Variants in NEXN observed in about 807,000 individuals in gnomAD.
NEXN encodes the protein nexilin F-actin binding protein.
NEXN carries 65 observed loss-of-function variants against 92.6 expected under a neutral mutation model. The ratio of observed to expected loss-of-function variants is 0.70; its 90% CI spans 0.57 to 0.86. The LOEUF (loss-of-function observed/expected upper bound fraction) is 0.86. NEXN is among the 40% of genes least tolerant of loss of function. The probability of loss-of-function intolerance (pLI) is 0.00; values close to 1 mark genes in which losing one functional copy is unlikely to be tolerated. For synonymous variants in NEXN, 254 were observed against 242.5 expected (o/e 1.05, Z -0.44); for missense variants, 778 against 771.1 (o/e 1.01, Z -0.11).
At chr1:77,922,018 T>C (rs994937530) in intron 5 of NEXN, among the ~76,000 whole-genome samples, 1 of 152,078 alleles carries the variant, frequency 6.6e-6, no homozygotes, top group Non-Finnish European at 1.5e-5. Context: ...TCCTCCCACC[T>C]CGGCCTCCCA....
At chr1:77,937,278 TG>T (rs1351522420) in intron 11 of NEXN, among the ~76,000 whole-genome samples, 1 of 152,126 alleles carries the variant, frequency 6.6e-6, no homozygotes, top group Non-Finnish European at 1.5e-5. Context: ...CACTCCAGCC[TG>T]GGGGTCAGAG....
intron 11 of NEXN, chr1:77,941,734 G>A: frequency 2.4e-6 from 1 of 425,444 alleles, no homozygotes. Context: ...TTTCAGTTAA[G>A]TGCTATCAAA....
intron 2 of NEXN, 148 bp from the exon 3 acceptor site, chr1:77,917,418 G>T (rs1649059952): frequency 3.1e-6 from 2 of 640,294 alleles, no homozygotes; most frequent in African/African-American, 1.8e-5. Flanking sequence ...TATCTAATCA[G>T]GTTGTGATGG....
chr1:77,897,637 A>T (rs1333863823), intron 1 of NEXN, among the ~76,000 whole-genome samples: 3 of 152,116 alleles, frequency 2.0e-5, no homozygotes, highest in Non-Finnish European at 4.4e-5. Context: ...CCTATTCAAC[A>T]TAGTGTTGGA....
chr1:77,931,106 A>C (rs1458194488), intron 9 of NEXN, among the ~76,000 whole-genome samples: 1 of 151,808 alleles, frequency 6.6e-6, no homozygotes, highest in Admixed American at 6.6e-5. Context: ...CGGTAGAAGA[A>C]GCCGGGCGCG....
At chr1:77,894,808 C>T (rs966788216) in intron 1 of NEXN, among the ~76,000 whole-genome samples, 50 of 152,034 alleles carry the variant, frequency 3.3e-4, no homozygotes, top group Admixed American at 1.6e-3. Context: ...CTCCACCTCC[C>T]GGGTTCTAGC....
At position 77,933,468 on chromosome 1, in the gene NEXN, G is replaced by A; in HGVS notation, c.1240G>A (p.Glu414Lys). ...EKQEFEQLRQ[E>K]MGEEEEENET... ...ACAAGAATTTGAACAACTGAGACAGGAAATGGGAGAGGTAAGATTTTAAGA... is the reference window on the plus strand; with the variant it reads ...ACAAGAATTTGAACAACTGAGACAGAAAATGGGAGAGGTAAGATTTTAAGA... Residue 414 changes from glutamate (E) to lysine (K), a missense_variant, in exon 10 of 13, where the codon GAA becomes AAA. Around this residue, in one of 3 missense-constraint regions of NEXN, gnomAD observed 532 missense variants for 476.7 expected, o/e 1.12. Transcript: ENST00000334785. 6.2e-7 allele frequency: 1 copy of A among 1,606,022 alleles called. No individual in the cohort carries two copies. The highest frequency in any genetic ancestry group is 1.1e-5 in the South Asian group (1 of 90,718).
chr1:77,933,533 A>C (rs1330715373), intron 10 of NEXN, 54 bp downstream of exon 10: 2 of 1,210,444 alleles, frequency 1.7e-6, no homozygotes, highest in African/African-American at 1.5e-5. Flanking sequence ...TAAATATTTT[A>C]CTTATATCAC....
Position 77,926,911 on chromosome 1 carries a change from A to G in NEXN, c.864+19A>G. 1.9e-6 allele frequency: 3 copies of G among 1,613,576 alleles called. No homozygotes were observed. The highest frequency in any genetic ancestry group is 1.1e-5 in the South Asian group (1 of 90,950). On this transcript the variant is annotated intron_variant, in intron 8 of 12. Coordinates refer to ENST00000334785, the MANE Select transcript of NEXN (RefSeq NM_144573.4). ...GCAAATGGTAAATCTACATATTTAA[A>G]CCTTACAATTAATATTAATGAAGTT...
intron 11 of NEXN, among the ~76,000 whole-genome samples, chr1:77,941,442 G>A (rs1448860780): frequency 6.6e-6 from 1 of 151,940 alleles, no homozygotes; most frequent in Non-Finnish European, 1.5e-5. Flanking sequence ...CCCCTCAGAT[G>A]ACTCAAACAT....
At chr1:77,938,466 T>C (rs1397120064) in intron 11 of NEXN, among the ~76,000 whole-genome samples, 2 of 151,648 alleles carry the variant, frequency 1.3e-5, no homozygotes, top group Non-Finnish European at 2.9e-5. Context: ...CTGGCCAACA[T>C]GGTGAAACCC....
chr1:77,916,186 G>A lies in NEXN; in HGVS notation c.27+53G>A, dbSNP rs570509967. The A allele has an allele frequency of 2.8e-5, 40 of 1,421,086 alleles. No individual in the cohort carries two copies. The South Asian group carries it at 4.7e-4, about 17-fold the overall frequency. The allele number at this position is 1,421,086 out of a possible 1,614,324, so 88.0% of individuals were successfully genotyped here. A position where few individuals can be genotyped will look rare whatever the true frequency, so the allele number is the denominator to read the frequency against. ...AAAAGAGGGAAATGTAGAGTTGACT[G>A]TAGAATTGCTGAAAGGACAGTCATT... is the stretch of plus-strand genomic sequence containing the variant. On this transcript the variant is annotated intron_variant, in intron 2 of 12. Coordinates refer to ENST00000334785, the MANE Select transcript of NEXN (RefSeq NM_144573.4).
Position 77,938,643 on chromosome 1 carries a change from A to G in NEXN, c.1473+2599A>G, listed in dbSNP as rs375313240. On this transcript the variant is annotated intron_variant, in intron 11 of 12. Transcript: ENST00000334785. ...ATGACGTATGATGAAGAAAATTCTAATTATTCTAAGTACTATAATAGAAGT... is the reference window on the plus strand; with the variant it reads ...ATGACGTATGATGAAGAAAATTCTAGTTATTCTAAGTACTATAATAGAAGT... 9.9e-5 allele frequency among the ~76,000 whole-genome samples: 15 copies of G among 152,096 alleles called. No homozygotes were observed. In the East Asian group the frequency reaches 1.4e-3, roughly 14 times the overall value.
At chr1:77,896,653 G>A (rs920249841) in intron 1 of NEXN, among the ~76,000 whole-genome samples, 4 of 151,996 alleles carry the variant, frequency 2.6e-5, no homozygotes, top group East Asian at 1.9e-4. Flanking sequence ...CCAGCTACTC[G>A]GGAGGCTGAG....
rs1375404871 is a variant in NEXN, at chr1:77,929,237, T to C, written c.865-79T>C. ...GAAACTCCTGTGTGATAGTGGCTAA[T>C]TCTGTGCCTTTTGATTAATAATTCA... On this transcript the variant is annotated intron_variant, in intron 8 of 12. Transcript: ENST00000334785. 9 of 1,042,236 alleles carry C rather than the reference T, an allele frequency of 8.6e-6. No individual in the cohort carries two copies. In the East Asian group the frequency reaches 2.2e-4, roughly 25 times the overall value. 64.6% of individuals were successfully genotyped at this position (1,042,236 alleles called of 1,614,324 possible). A position where few individuals can be genotyped will look rare whatever the true frequency, so the allele number is the denominator to read the frequency against.
At chr1:77,903,708 C>T (rs528343477) in intron 1 of NEXN, among the ~76,000 whole-genome samples, 20 of 152,076 alleles carry the variant, frequency 1.3e-4, no homozygotes, top group East Asian at 7.7e-4. Context: ...TATATAAGCA[C>T]GAAACTGGGA....
rs1404772841 is a variant in NEXN, at chr1:77,942,191, G to A, written c.1642G>A (p.Asp548Asn). Residue 548 changes from aspartate (D) to asparagine (N), a missense_variant, in exon 12 of 13, where the codon GAT becomes AAT. Around this residue, in one of 3 missense-constraint regions of NEXN, gnomAD observed 532 missense variants for 476.7 expected, o/e 1.12. Coordinates refer to ENST00000334785, the MANE Select transcript of NEXN (RefSeq NM_144573.4). Reference protein sequence around the residue: ...LRMQFEQREIDAALQKKREEE... With the variant: ...LRMQFEQREINAALQKKREEE... ...CATGCAGTTTGAACAAAGGGAAATT[G>A]ATGCAGCACTACAAAAGGTACCAGG... The A allele has an allele frequency of 1.1e-5, 17 of 1,613,600 alleles. No homozygotes were observed. The highest frequency in any genetic ancestry group is 1.4e-5 in the Non-Finnish European group (17 of 1,179,706).
rs879837067 is a variant in NEXN, at chr1:77,942,160, A to G, written c.1611A>G (p.Leu537=). 7.4e-6 allele frequency: 12 copies of G among 1,613,840 alleles called. No homozygotes were observed. The highest frequency in any genetic ancestry group is 1.0e-5 in the Non-Finnish European group (12 of 1,179,746). ...AAAGAAGAATTGAAGAACAAAAGTT[A>G]CTACGCATGCAGTTTGAACAAAGGG... ...EEQRRIEEQK[L]LRMQFEQREI... The change falls in exon 12 of 13, where the codon TTA becomes TTG. Residue 537 remains leucine (L), a synonymous_variant. Transcript: ENST00000334785.
chr1:77,889,342 C>T (rs1647052773), intron 1 of NEXN: 1 of 143,318 alleles, frequency 7.0e-6, no homozygotes, highest in Admixed American at 7.3e-5. Context: ...TCCCCCCACT[C>T]CTGTCTCCAA....
Sources: allele counts gnomAD v4.1 joint callset (sites outside exome capture counted in the v4.1 genomes callset), GRCh38; gene constraint gnomAD v4.1.1; regional missense constraint gnomAD v4.1.1; transcripts MANE v1.5; gene names NCBI Gene and HGNC (gene_info 2026-07-23, HGNC 2026-07-21).